LPP: variants seen among roughly 807,000 people sequenced by gnomAD.
The protein encoded by LPP is LIM domain containing preferred translocation partner in lipoma.
A neutral mutation model predicts 60.4 loss-of-function variants in LPP; 38 were observed. The ratio of observed to expected loss-of-function variants is 0.63; its 90% CI spans 0.49 to 0.83. The LOEUF (loss-of-function observed/expected upper bound fraction) is 0.83, where lower values mean the gene tolerates loss of function less well. Ranked by LOEUF, LPP falls within the 40% of genes least tolerant of loss-of-function variation. The probability of loss-of-function intolerance (pLI) is 0.00; values close to 1 mark genes in which losing one functional copy is unlikely to be tolerated. For missense variants in LPP, 902 were observed against 783.6 expected, an observed-to-expected ratio of 1.15 and a Z score of -1.80; for synonymous variants, 328 against 290.8, an observed-to-expected ratio of 1.13 and a Z score of -1.30.
chr3:188,885,778 C>T lies in LPP; in HGVS notation c.*11299C>T, dbSNP rs1482507396. 1.3e-5 allele frequency: 2 copies of T among 152,176 alleles called. No individual in the cohort carries two copies. The highest frequency in any genetic ancestry group is 2.4e-5 in the African/African-American group (1 of 41,444). 9.4% of individuals were successfully genotyped at this position (152,176 alleles called of 1,614,324 possible). On this transcript the variant is annotated 3_prime_UTR_variant, in exon 12 of 12. Transcript: ENST00000617246. ...CAACAGTGTAAAAGTGTTCTTATTT[C>T]TCCACATCCTCTCCAGCACCTGTTG...
intron 9 of LPP, among the ~76,000 whole-genome samples, chr3:188,862,628 C>A (rs565637022): frequency 6.6e-6 from 1 of 151,184 alleles, no homozygotes; most frequent in East Asian, 2.0e-4. Flanking sequence ...TCACAAAGCA[C>A]GCTACTGATA....
At chr3:188,514,255 CTT>C (rs536925280) in intron 5 of LPP, among the ~76,000 whole-genome samples, 2 of 151,888 alleles carry the variant, frequency 1.3e-5, no homozygotes, top group Non-Finnish European at 2.9e-5. Flanking sequence ...CTCCCTTCCT[CTT>C]TTCCTCTCCT....
At chr3:188,497,502 T>C (rs1055634753) in intron 5 of LPP, among the ~76,000 whole-genome samples, 2 of 152,212 alleles carry the variant, frequency 1.3e-5, no homozygotes, top group Non-Finnish European at 1.5e-5. Context: ...ATTGTGTATT[T>C]GATGGTATGG....
At position 188,403,685 on chromosome 3, in the gene LPP, A is replaced by G. The variant is rs143323436; in HGVS notation, c.-9-2427A>G. ...GGGTTTGGTTTTGGTATTTAGAAAA[A>G]AAAAATCATCTGAAGTTATTCCAAA... is the stretch of plus-strand genomic sequence containing the variant. On this transcript the variant is annotated intron_variant, in intron 3 of 11. Coordinates refer to ENST00000617246, the MANE Select transcript of LPP (RefSeq NM_001375462.1). 3.0e-3 allele frequency among the ~76,000 whole-genome samples: 456 copies of G among 152,314 alleles called. 1 individual carries two copies. The highest frequency in any genetic ancestry group is 6.9e-3 in the Admixed American group (106 of 15,292).
chr3:188,233,432 C>T (rs1017400532), intron 2 of LPP, among the ~76,000 whole-genome samples: 3 of 152,138 alleles, frequency 2.0e-5, no homozygotes, highest in Non-Finnish European at 4.4e-5. Flanking sequence ...TTTTGGACTT[C>T]TTCAGGATGA....
At chr3:188,723,384 G>T (rs984705307) in intron 8 of LPP, among the ~76,000 whole-genome samples, 9 of 152,080 alleles carry the variant, frequency 5.9e-5, no homozygotes, top group Admixed American at 5.9e-4. Flanking sequence ...GTTCTGCCTT[G>T]GTTAAAGCAT....
At chr3:188,163,787 C>CAAAAAAA (rs10663486) in intron 1 of LPP, among the ~76,000 whole-genome samples, 2 of 137,546 alleles carry the variant, frequency 1.5e-5, no homozygotes, top group Admixed American at 7.3e-5. Context: ...ACTAAATATA[C>CAAAAAAA]AAAAAAAAAA....
At chr3:188,791,691 CA>C (rs1743815660) in intron 9 of LPP, among the ~76,000 whole-genome samples, 1 of 152,072 alleles carries the variant, frequency 6.6e-6, no homozygotes, top group African/African-American at 2.4e-5. Flanking sequence ...TTTGCCTGGC[CA>C]GTACATTGCC....
At chr3:188,224,066 C>G (rs1390196413) in intron 1 of LPP, among the ~76,000 whole-genome samples, 2 of 152,028 alleles carry the variant, frequency 1.3e-5, no homozygotes, top group Non-Finnish European at 2.9e-5. Flanking sequence ...ATTTGTAAGT[C>G]CTGGTTTGGC....
chr3:188,768,789 G>C (rs543206936), intron 9 of LPP, among the ~76,000 whole-genome samples: 12 of 152,106 alleles, frequency 7.9e-5, no homozygotes, highest in Non-Finnish European at 1.5e-4. Context: ...CCCCCAGAGA[G>C]AGCCACTATT....
At position 188,610,136 on chromosome 3, in the gene LPP, A is replaced by C. The variant is rs1843387437; in HGVS notation, c.1113+292A>C. Reference sequence around the variant, plus strand: ...GGACAAAGTGTTCTGATGGAGAAAGAGAAAATAATTTATTTTTCACATCCT... The same window carrying C: ...GGACAAAGTGTTCTGATGGAGAAAGCGAAAATAATTTATTTTTCACATCCT... On this transcript the variant is annotated intron_variant, in intron 7 of 11. Transcript: ENST00000617246. The surrounding 1 kb of genome is among the most constrained non-coding windows in gnomAD (Gnocchi z 4.4). Among the ~76,000 whole-genome samples, 1 of 152,220 alleles carries C rather than the reference A, an allele frequency of 6.6e-6. No homozygotes were observed. Among genetic ancestry groups the C allele is most frequent in the African/African-American group, 2.4e-5 (1 of 41,466 alleles).
chr3:188,542,883 A>C (rs940643828), intron 6 of LPP, among the ~76,000 whole-genome samples: 2 of 152,154 alleles, frequency 1.3e-5, no homozygotes, highest in African/African-American at 4.8e-5. Flanking sequence ...GTCTTTTCTC[A>C]TGCCTTCCAC....
intron 4 of LPP, among the ~76,000 whole-genome samples, chr3:188,456,188 T>C (rs1018485473): frequency 6.6e-6 from 1 of 152,248 alleles, no homozygotes; most frequent in Non-Finnish European, 1.5e-5. Context: ...TGACCTCATT[T>C]GGCGTTTATT....
chr3:188,705,577 A>G (rs1218637812), intron 7 of LPP, among the ~76,000 whole-genome samples: 2 of 151,982 alleles, frequency 1.3e-5, no homozygotes, highest in African/African-American at 4.8e-5. Context: ...GCAAATACCT[A>G]TCAATATACT....
chr3:188,163,270 A>C (rs1718862976), intron 1 of LPP, among the ~76,000 whole-genome samples: 1 of 152,166 alleles, frequency 6.6e-6, no homozygotes, highest in African/African-American at 2.4e-5. Flanking sequence ...CTTCTTCAGA[A>C]ACTTGTGTGG....
At chr3:188,357,895 T>G (rs1768075281) in intron 3 of LPP, among the ~76,000 whole-genome samples, 1 of 152,220 alleles carries the variant, frequency 6.6e-6, no homozygotes, top group African/African-American at 2.4e-5. Flanking sequence ...GGAAGGATCT[T>G]GAATTCAGGG....
At chr3:188,560,292 G>A (rs565134365) in intron 6 of LPP, among the ~76,000 whole-genome samples, 92 of 152,102 alleles carry the variant, frequency 6.0e-4, no homozygotes, top group South Asian at 1.2e-3. Flanking sequence ...CCAAGGAGTC[G>A]TCTATGCACA....
At chr3:188,832,327 G>A (rs1038592444) in intron 9 of LPP, among the ~76,000 whole-genome samples, 1 of 152,162 alleles carries the variant, frequency 6.6e-6, no homozygotes, top group Non-Finnish European at 1.5e-5. Flanking sequence ...ACAGCTTCCA[G>A]CAGACAGCCA....
At chr3:188,859,821 A>C (rs1426487928) in intron 9 of LPP, among the ~76,000 whole-genome samples, 2 of 152,210 alleles carry the variant, frequency 1.3e-5, no homozygotes, top group Non-Finnish European at 2.9e-5. Flanking sequence ...GTGTGTCATG[A>C]CATCAAAAAA....
Sources: gnomAD v4.1 joint callset for allele counts (sites outside exome capture counted in the v4.1 genomes callset) on GRCh38, gnomAD v4.1.1 for gene constraint, Gnocchi (gnomAD v3.1) non-coding constraint, MANE v1.5 for transcripts, NCBI Gene and HGNC (gene_info 2026-07-23, HGNC 2026-07-21) for gene names.